B3GAT2: variants seen among roughly 807,000 people sequenced by gnomAD.
B3GAT2 encodes the protein galactosylgalactosylxylosylprotein 3-beta-glucuronosyltransferase 2.
Under a neutral mutation model 27.8 loss-of-function variants are expected in B3GAT2, and 26 were observed. That is an observed-to-expected ratio of 0.93 (90% CI 0.68 to 1.30). B3GAT2 has a LOEUF of 1.30. Ranked by LOEUF, B3GAT2 falls within the 50% of genes most tolerant of loss-of-function variation. The pLI, the probability that B3GAT2 is intolerant of heterozygous loss-of-function variation, is 0.00. For missense variants in B3GAT2, 458 were observed against 459.0 expected (o/e 1.00, Z 0.02); for synonymous variants, 218 against 195.1 (o/e 1.12, Z -0.98).
chr6:70,924,122 T>C (rs1408878140), intron 1 of B3GAT2, among the ~76,000 whole-genome samples: 2 of 152,178 alleles, frequency 1.3e-5, no homozygotes, highest in African/African-American at 4.8e-5. Flanking sequence ...TTGTAACCCA[T>C]ACATTTGTAT....
Position 70,930,409 on chromosome 6 carries a change from C to T in B3GAT2, c.591+25430G>A, listed in dbSNP as rs367793493. 9.2e-5 allele frequency among the ~76,000 whole-genome samples: 14 copies of T among 152,054 alleles called. No homozygotes were observed. In the East Asian group the frequency reaches 1.9e-3, roughly 21 times the overall value. On this transcript the variant is annotated intron_variant, in intron 1 of 3. Transcript: ENST00000230053. Reference sequence around the variant, plus strand: ...CTACCATCAGAGTGAATAGGCAACCCACAGAATGGGAGAATATTTTTGCAA... The same window carrying T: ...CTACCATCAGAGTGAATAGGCAACCTACAGAATGGGAGAATATTTTTGCAA...
chr6:70,954,915 C>CGGGGGGGGGGGGGGGG (rs111472599), intron 1 of B3GAT2, among the ~76,000 whole-genome samples: 1 of 114,960 alleles, frequency 8.7e-6, no homozygotes, highest in Admixed American at 8.7e-5. Context: ...CCGGGGGCGG[C>CGGGGGGGGGGGGGGGG]GGGGGGGGGC....
intron 1 of B3GAT2, among the ~76,000 whole-genome samples, chr6:70,953,152 A>C (rs542565273): frequency 6.6e-6 from 1 of 152,366 alleles, no homozygotes; most frequent in Non-Finnish European, 1.5e-5. Context: ...GTGCATGCAC[A>C]ATATAAAGGG....
chr6:70,871,217 T>G lies in B3GAT2; in HGVS notation c.737-9239A>C, dbSNP rs544780497. 2.5e-3 allele frequency among the ~76,000 whole-genome samples: 164 copies of G among 65,494 alleles called. 1 individual carries two copies. The highest frequency in any genetic ancestry group is 3.4e-3 in the Non-Finnish European group (93 of 27,110). The allele number at this position is 65,494 out of a possible 152,430, so 43.0% of individuals were successfully genotyped here. ...GGATATAGGTCTGTCTGTTTTTTTTTTTTTGTTTTTTTTTTTTCTTCGTGA... is the reference window on the plus strand; with the variant it reads ...GGATATAGGTCTGTCTGTTTTTTTTGTTTTGTTTTTTTTTTTTCTTCGTGA... On this transcript the variant is annotated intron_variant, in intron 2 of 3. Coordinates refer to ENST00000230053, the MANE Select transcript of B3GAT2 (RefSeq NM_080742.3).
intron 1 of B3GAT2, among the ~76,000 whole-genome samples, chr6:70,951,204 C>T (rs1041169408): frequency 1.3e-5 from 2 of 152,002 alleles, no homozygotes; most frequent in South Asian, 2.1e-4. Context: ...AAAACAATGA[C>T]GACAACAAAA....
At chr6:70,880,568 G>T (rs1190026780) in intron 2 of B3GAT2, among the ~76,000 whole-genome samples, 1 of 151,984 alleles carries the variant, frequency 6.6e-6, no homozygotes, top group Non-Finnish European at 1.5e-5. Context: ...CATGACTATA[G>T]CCTCGAATCC....
intron 1 of B3GAT2, among the ~76,000 whole-genome samples, chr6:70,929,126 C>T (rs1290625263): frequency 2.0e-5 from 3 of 151,864 alleles, no homozygotes; most frequent in African/African-American, 7.3e-5. Context: ...AACCAAACAC[C>T]GCATGTTCTC....
At chr6:70,899,983 C>A (rs1010374616) in intron 1 of B3GAT2, among the ~76,000 whole-genome samples, 2 of 152,160 alleles carry the variant, frequency 1.3e-5, no homozygotes, top group African/African-American at 4.8e-5. Flanking sequence ...GGTGTGAACT[C>A]CAATCTAAAA....
intron 1 of B3GAT2, among the ~76,000 whole-genome samples, chr6:70,935,474 G>GTATATATATATATATATA (rs754633194): frequency 8.1e-4 from 122 of 151,218 alleles, no homozygotes; most frequent in African/African-American, 2.9e-3. Context: ...ATATATATGT[G>GTATATATATATATATATA]TATATATATA....
At chr6:70,867,327 G>T (rs1386659740) in intron 2 of B3GAT2, among the ~76,000 whole-genome samples, 1 of 151,952 alleles carries the variant, frequency 6.6e-6, no homozygotes, top group Non-Finnish European at 1.5e-5. Context: ...ATAGATATGA[G>T]AGCAGAAACG....
At chr6:70,902,313 G>A (rs978061493) in intron 1 of B3GAT2, among the ~76,000 whole-genome samples, 1 of 151,784 alleles carries the variant, frequency 6.6e-6, no homozygotes, top group African/African-American at 2.4e-5. Flanking sequence ...AATCAGGGCT[G>A]GAATGAATGG....
intron 2 of B3GAT2, among the ~76,000 whole-genome samples, chr6:70,874,136 T>G (rs894395163): frequency 6.6e-6 from 1 of 152,220 alleles, no homozygotes. Context: ...CTTGTACTCT[T>G]TTGCTGAAAA....
chr6:70,913,860 T>C (rs540368016), intron 1 of B3GAT2, among the ~76,000 whole-genome samples: 4 of 152,212 alleles, frequency 2.6e-5, no homozygotes, highest in African/African-American at 9.6e-5. Flanking sequence ...TAAGAATTTG[T>C]TCTATGAATC....
chr6:70,924,806 A>G (rs989072305), intron 1 of B3GAT2, among the ~76,000 whole-genome samples: 13 of 152,212 alleles, frequency 8.5e-5, no homozygotes, highest in Non-Finnish European at 1.6e-4. Flanking sequence ...CGTAAAACTA[A>G]TGAAAGACCA....
At chr6:70,936,907 G>C (rs1205463978) in intron 1 of B3GAT2, among the ~76,000 whole-genome samples, 2 of 151,934 alleles carry the variant, frequency 1.3e-5, no homozygotes, top group Admixed American at 1.3e-4. Flanking sequence ...TAAAATCAGA[G>C]CAGAACTGAA....
At chr6:70,955,452 G>C (rs901227980) in intron 1 of B3GAT2, among the ~76,000 whole-genome samples, 19 of 123,870 alleles carry the variant, frequency 1.5e-4, no homozygotes, top group African/African-American at 5.5e-4. Flanking sequence ...CTACGGTGCA[G>C]GTCCCTCCCT....
intron 1 of B3GAT2, among the ~76,000 whole-genome samples, chr6:70,919,756 C>T (rs1772835681): frequency 6.6e-6 from 1 of 151,944 alleles, no homozygotes; most frequent in Admixed American, 6.5e-5. Context: ...GCTGCCTGAT[C>T]CTTCCTCTGG....
intron 1 of B3GAT2, among the ~76,000 whole-genome samples, chr6:70,903,238 T>TA (rs1239520052): frequency 2.0e-5 from 3 of 151,988 alleles, no homozygotes; most frequent in Admixed American, 6.6e-5. Context: ...ACACAAAAGC[T>TA]AAAGTTTTTA....
chr6:70,936,290 A>G (rs1200493740), intron 1 of B3GAT2, among the ~76,000 whole-genome samples: 1 of 152,086 alleles, frequency 6.6e-6, no homozygotes, highest in Non-Finnish European at 1.5e-5. Flanking sequence ...TTAGACTCCC[A>G]AACAATAATA....
Sources: allele counts gnomAD v4.1 joint callset (sites outside exome capture counted in the v4.1 genomes callset), GRCh38; gene constraint gnomAD v4.1.1; transcripts MANE v1.5; gene names NCBI Gene and HGNC (gene_info 2026-07-23, HGNC 2026-07-21).